Variants in CDH4 observed in about 807,000 individuals in gnomAD.
CDH4 encodes cadherin 4.
In CDH4, 33 loss-of-function variants were observed where a neutral mutation model predicts 86.0. That is an observed-to-expected ratio of 0.38 (90% CI 0.29 to 0.51). CDH4 has a LOEUF of 0.51. Ranked by LOEUF, CDH4 falls within the 20% of genes least tolerant of loss-of-function variation. The pLI is 0.86. For synonymous variants in CDH4, 555 were observed against 549.4 expected (o/e 1.01, Z -0.14); for missense variants, 1,114 against 1,307.4 (o/e 0.85, Z 2.28).
intron 4 of CDH4, among the ~76,000 whole-genome samples, chr20:61,777,619 C>T (rs62204632): frequency 3.3e-4 from 37 of 113,830 alleles, no homozygotes; most frequent in African/African-American, 9.5e-4. Context: ...TGCGCACACA[C>T]GTGCATACAA....
At chr20:61,899,197 C>G (rs912725262) in intron 8 of CDH4, among the ~76,000 whole-genome samples, 6 of 151,608 alleles carry the variant, frequency 4.0e-5, no homozygotes, top group Non-Finnish European at 7.4e-5. Context: ...CCCAGCTACT[C>G]AAGAGGCTGA....
At chr20:61,253,170 G>T (rs1284676832) in intron 1 of CDH4, among the ~76,000 whole-genome samples, 1 of 151,328 alleles carries the variant, frequency 6.6e-6, no homozygotes, top group Non-Finnish European at 1.5e-5. Context: ...TCTCACCCCC[G>T]AGCCCTCGGC....
At chr20:61,872,404 A>G (rs1747754490) in intron 6 of CDH4, among the ~76,000 whole-genome samples, 1 of 152,204 alleles carries the variant, frequency 6.6e-6, no homozygotes. Flanking sequence ...TTCCAGATGC[A>G]GAACAGATTG....
At chr20:61,564,032 G>A (rs898603811) in intron 2 of CDH4, among the ~76,000 whole-genome samples, 2 of 152,028 alleles carry the variant, frequency 1.3e-5, no homozygotes, top group African/African-American at 4.8e-5. Context: ...GTCCCTCAAT[G>A]CACCTCCTCT....
intron 2 of CDH4, among the ~76,000 whole-genome samples, chr20:61,383,432 C>CAT (rs1217901368): frequency 1.7e-5 from 1 of 58,720 alleles, no homozygotes; most frequent in African/African-American, 8.5e-5. Flanking sequence ...TGATATATAT[C>CAT]ATATATGAAT....
intron 8 of CDH4, among the ~76,000 whole-genome samples, chr20:61,901,650 G>A (rs1368843652): frequency 6.6e-6 from 1 of 152,250 alleles, no homozygotes; most frequent in African/African-American, 2.4e-5. Flanking sequence ...GTCCACACCG[G>A]GCTCCGGCCG....
intron 2 of CDH4, among the ~76,000 whole-genome samples, chr20:61,608,505 G>T (rs541149553): frequency 6.6e-6 from 1 of 152,206 alleles, no homozygotes; most frequent in Admixed American, 6.5e-5. Context: ...GGTCTCATGC[G>T]TGGTGATGGA....
intron 2 of CDH4, among the ~76,000 whole-genome samples, chr20:61,682,578 T>G (rs2145860254): frequency 6.6e-6 from 1 of 150,918 alleles, no homozygotes; most frequent in Middle Eastern, 3.4e-3. Flanking sequence ...AAGGGAGAGA[T>G]GAAGGGACAG....
intron 2 of CDH4, chr20:61,599,686 C>T (rs897905302): frequency 2.8e-6 from 1 of 357,616 alleles, no homozygotes; most frequent in South Asian, 1.1e-4. Context: ...AAGCCTCTCG[C>T]GTGGTCTCTG....
chr20:61,679,513 G>A (rs1388887108), intron 2 of CDH4, among the ~76,000 whole-genome samples: 1 of 152,188 alleles, frequency 6.6e-6, no homozygotes, highest in Non-Finnish European at 1.5e-5. Flanking sequence ...CGAAAGAATG[G>A]CACTCCAGTT....
intron 2 of CDH4, among the ~76,000 whole-genome samples, chr20:61,576,068 A>G (rs1053732893): frequency 6.6e-6 from 1 of 152,120 alleles, no homozygotes; most frequent in African/African-American, 2.4e-5. Context: ...AAGATGAAAG[A>G]GGGGGTCCAG....
At chr20:61,573,901 G>C (rs563289957) in intron 2 of CDH4, among the ~76,000 whole-genome samples, 1 of 152,134 alleles carries the variant, frequency 6.6e-6, no homozygotes, top group Non-Finnish European at 1.5e-5. Flanking sequence ...AGCTCCCCTC[G>C]CTCACCTCCC....
intron 2 of CDH4, among the ~76,000 whole-genome samples, chr20:61,671,469 G>A (rs200001986): frequency 5.3e-4 from 81 of 152,278 alleles, no homozygotes; most frequent in East Asian, 4.4e-3. Context: ...GCACTCCAGC[G>A]TGGGCAACAG....
chr20:61,254,987 T>G (rs759839123), intron 2 of CDH4, 50 bp downstream of exon 2: 1 of 1,079,418 alleles, frequency 9.3e-7, no homozygotes, highest in South Asian at 1.3e-5. Flanking sequence ...ATGCTTTTCC[T>G]TGGGGAAACA....
rs539977097 is a variant in CDH4 at position 61,709,751 on chromosome 20, C to T, written c.170-33812C>T. ...CACTTGCCACGTCCCCTGGTCCTCA[C>T]GAAGCCCAAAATAGCAGGATGGAGC... On this transcript the variant is annotated intron_variant, in intron 2 of 15. Transcript: ENST00000614565. This position sits in a 1 kb window ranked among gnomAD's most constrained non-coding sequence, Gnocchi z 4.8. 1.3e-5 allele frequency among the ~76,000 whole-genome samples: 2 copies of T among 152,274 alleles called. No individual in the cohort carries two copies. Among genetic ancestry groups the T allele is most frequent in the South Asian group, 2.1e-4 (1 of 4,820 alleles).
chr20:61,309,934 G>C (rs2084436608), intron 2 of CDH4, among the ~76,000 whole-genome samples: 1 of 152,204 alleles, frequency 6.6e-6, no homozygotes, highest in Non-Finnish European at 1.5e-5. Context: ...GGCTGGCCAG[G>C]TGTGGCAGAA....
chr20:61,707,279 G>T (rs932768482), intron 2 of CDH4, among the ~76,000 whole-genome samples: 18 of 152,262 alleles, frequency 1.2e-4, no homozygotes, highest in Admixed American at 8.5e-4. Context: ...GAGGCCCTCT[G>T]TCCACATTTA....
intron 2 of CDH4, among the ~76,000 whole-genome samples, chr20:61,411,139 C>T (rs2085117075): frequency 6.6e-6 from 1 of 151,660 alleles, no homozygotes; most frequent in African/African-American, 2.4e-5. Flanking sequence ...TCCATCCATC[C>T]ATCCATCCAT....
chr20:61,573,018 A>T (rs1029955353), intron 2 of CDH4, among the ~76,000 whole-genome samples: 16 of 137,750 alleles, frequency 1.2e-4, no homozygotes, highest in Admixed American at 6.4e-4. Context: ...GGATTGATGG[A>T]TGGATGGATG....
Sources: gnomAD v4.1 joint callset for allele counts (sites outside exome capture counted in the v4.1 genomes callset) on GRCh38, gnomAD v4.1.1 for gene constraint, Gnocchi (gnomAD v3.1) non-coding constraint, MANE v1.5 for transcripts, NCBI Gene and HGNC (gene_info 2026-07-23, HGNC 2026-07-21) for gene names.